The following FBXL20 variants were observed in gnomAD, a reference collection of about 807,000 sequenced individuals.
FBXL20 encodes F-box/LRR-repeat protein 20.
In FBXL20, 11 loss-of-function variants were observed where a neutral mutation model predicts 64.0. The observed-to-expected ratio is 0.17, with a 90% confidence interval of 0.11 to 0.28. The LOEUF (loss-of-function observed/expected upper bound fraction) is 0.28. Ranked by LOEUF, FBXL20 falls within the 10% of genes least tolerant of loss-of-function variation. The pLI is 1.00. For missense variants in FBXL20, 303 were observed against 526.2 expected, an observed-to-expected ratio of 0.58 and a Z score of 4.15; for synonymous variants, 184 against 189.0, an observed-to-expected ratio of 0.97 and a Z score of 0.22.
rs2046697003 is a variant in FBXL20 at position 39,256,493 on chromosome 17, G to C, written c.*4967C>G. On this transcript the variant is annotated 3_prime_UTR_variant, in exon 15 of 15. Transcript: ENST00000264658. ...TACATTTCTTCTCAAACAGGACTTGGCTAATTCACAGTGCCTGGGTTTGAG... is the reference window on the plus strand; with the variant it reads ...TACATTTCTTCTCAAACAGGACTTGCCTAATTCACAGTGCCTGGGTTTGAG... 1 of 152,028 alleles carries C rather than the reference G, an allele frequency of 6.6e-6. No homozygotes were observed. The highest frequency in any genetic ancestry group is 2.4e-5 in the African/African-American group (1 of 41,362). 9.4% of individuals were successfully genotyped at this position (152,028 alleles called of 1,614,324 possible).
In FBXL20 at chr17:39,277,572, G is replaced by A. The variant is rs144013466; in HGVS notation, c.697-2472C>T. 9.6e-4 allele frequency among the ~76,000 whole-genome samples: 146 copies of A among 151,938 alleles called. 1 individual carries two copies. Among genetic ancestry groups the A allele is most frequent in the African/African-American group, 3.3e-3 (138 of 41,438 alleles). On this transcript the variant is annotated intron_variant, in intron 9 of 14. Coordinates refer to ENST00000264658, the MANE Select transcript of FBXL20 (RefSeq NM_032875.3). ...AGGAGTCTGAGACCAGCCTAACATG[G>A]CGAAACCCCGTTTCTACTAAAGATA...
chr17:39,345,133 C>A (rs2047620405), intron 1 of FBXL20, among the ~76,000 whole-genome samples: 1 of 152,180 alleles, frequency 6.6e-6, no homozygotes, highest in Non-Finnish European at 1.5e-5. Context: ...TGCAGAAATT[C>A]CTCTTAAGGT....
rs1029710972 is a variant in FBXL20 at position 39,368,074 on chromosome 17, C to T, written c.43-24833G>A. 3.3e-5 allele frequency among the ~76,000 whole-genome samples: 5 copies of T among 151,976 alleles called. No individual in the cohort carries two copies. The East Asian group carries it at 9.6e-4, about 29-fold the overall frequency. Reference sequence around the variant, plus strand: ...ATTACAGGTGTGAGTCACCACACCCCGCCTGTGAAAGATTTTTAAGAATAG... The same window carrying T: ...ATTACAGGTGTGAGTCACCACACCCTGCCTGTGAAAGATTTTTAAGAATAG... On this transcript the variant is annotated intron_variant, in intron 1 of 14. Transcript: ENST00000264658.
intron 2 of FBXL20, among the ~76,000 whole-genome samples, chr17:39,306,756 T>C (rs1012001719): frequency 1.3e-5 from 2 of 152,224 alleles, no homozygotes; most frequent in Non-Finnish European, 2.9e-5. Context: ...TCCCTTAGGT[T>C]TTCTTACACA....
rs1190402755 is a variant in FBXL20, at chr17:39,401,583, G to A, written c.-181C>T. ...CTAGGCCTCCACCACCTCCCGCGGCGCCGGCGGCCGCAACGACTGCTCGTC... is the reference window on the plus strand; with the variant it reads ...CTAGGCCTCCACCACCTCCCGCGGCACCGGCGGCCGCAACGACTGCTCGTC... On this transcript the variant is annotated 5_prime_UTR_variant, in exon 1 of 15. Transcript: ENST00000264658. 17 of 1,402,840 alleles carry A rather than the reference G, an allele frequency of 1.2e-5. No individual in the cohort carries two copies. Among genetic ancestry groups the A allele is most frequent in the East Asian group, 2.8e-5 (1 of 35,418 alleles). 86.9% of individuals were successfully genotyped at this position (1,402,840 alleles called of 1,614,324 possible).
chr17:39,348,108 G>T (rs1224270774), intron 1 of FBXL20, among the ~76,000 whole-genome samples: 1 of 145,878 alleles, frequency 6.9e-6, no homozygotes. Context: ...TTGGTAGAGA[G>T]AGAGTCTCGC....
chr17:39,363,817 A>AAAAAAAC (rs1567896961), intron 1 of FBXL20, among the ~76,000 whole-genome samples: 3 of 143,684 alleles, frequency 2.1e-5, no homozygotes, highest in Non-Finnish European at 3.0e-5. Flanking sequence ...TCTCAAAAAA[A>AAAAAAAC]AAAAAAAAAC....
At position 39,257,938 on chromosome 17, in the gene FBXL20, T is replaced by C. The variant is rs1339742498; in HGVS notation, c.*3522A>G. On this transcript the variant is annotated 3_prime_UTR_variant, in exon 15 of 15. Transcript: ENST00000264658. The stretch of plus-strand genomic sequence containing the variant: ...GAAAAGACATTGATGTAGCAAATGA[T>C]GCTGGAAGATGTAAGGTATGAGATT... 1 of 152,844 alleles carries C rather than the reference T, an allele frequency of 6.5e-6. No individual in the cohort carries two copies. The highest frequency in any genetic ancestry group is 1.5e-5 in the Non-Finnish European group (1 of 68,062). 9.5% of individuals were successfully genotyped at this position (152,844 alleles called of 1,614,324 possible).
At chr17:39,306,823 A>C (rs2047187752) in intron 2 of FBXL20, among the ~76,000 whole-genome samples, 1 of 152,204 alleles carries the variant, frequency 6.6e-6, no homozygotes, top group Admixed American at 6.5e-5. Context: ...GTAGAGGCCC[A>C]TGTAAGGGAC....
chr17:39,341,488 A>G (rs530935332), intron 2 of FBXL20, among the ~76,000 whole-genome samples: 3 of 152,234 alleles, frequency 2.0e-5, no homozygotes, highest in East Asian at 1.9e-4. Context: ...AAATCATTAC[A>G]TAACTCTACA....
At chr17:39,309,401 C>T (rs1162054971) in intron 2 of FBXL20, among the ~76,000 whole-genome samples, 2 of 152,152 alleles carry the variant, frequency 1.3e-5, no homozygotes, top group Non-Finnish European at 2.9e-5. Flanking sequence ...GGAATAAGAT[C>T]TATTTTTGAA....
intron 1 of FBXL20, among the ~76,000 whole-genome samples, chr17:39,357,699 T>C (rs1438219367): frequency 3.3e-5 from 5 of 152,162 alleles, no homozygotes; most frequent in Admixed American, 1.3e-4. Context: ...TGAGTCACCA[T>C]GCCCAGCTGG....
chr17:39,318,271 G>A (rs1238226625), intron 2 of FBXL20, among the ~76,000 whole-genome samples: 1 of 152,114 alleles, frequency 6.6e-6, no homozygotes, highest in African/African-American at 2.4e-5. Flanking sequence ...TTGAGTTTTT[G>A]GAGTATGCCT....
intron 6 of FBXL20, among the ~76,000 whole-genome samples, chr17:39,287,101 C>T (rs1277920361): frequency 1.3e-5 from 2 of 151,528 alleles, no homozygotes; most frequent in Non-Finnish European, 2.9e-5. Flanking sequence ...TTAGTAGAGA[C>T]GGGTTTTCAC....
intron 1 of FBXL20, among the ~76,000 whole-genome samples, chr17:39,348,811 C>T (rs556150452): frequency 4.0e-4 from 61 of 152,258 alleles, no homozygotes; most frequent in Non-Finnish European, 6.8e-4. Context: ...GCTCCCCCTT[C>T]GGCCTCCTGA....
intron 2 of FBXL20, among the ~76,000 whole-genome samples, chr17:39,340,337 C>T (rs972337732): frequency 2.0e-5 from 3 of 151,828 alleles, no homozygotes; most frequent in African/African-American, 7.3e-5. Flanking sequence ...CCTTGGGATC[C>T]GCCCACCTCG....
chr17:39,328,126 T>A (rs552122058), intron 2 of FBXL20, among the ~76,000 whole-genome samples: 1 of 151,608 alleles, frequency 6.6e-6, no homozygotes, highest in African/African-American at 2.4e-5. Flanking sequence ...CGGGTGCCTG[T>A]AATCCCAGTT....
At chr17:39,334,573 A>C (rs2047501916) in intron 2 of FBXL20, among the ~76,000 whole-genome samples, 1 of 152,186 alleles carries the variant, frequency 6.6e-6, no homozygotes. Flanking sequence ...TACAGAGGAT[A>C]TATCACATCA....
intron 6 of FBXL20, among the ~76,000 whole-genome samples, chr17:39,286,905 A>ATT (rs1555604421): frequency 2.4e-5 from 3 of 127,172 alleles, no homozygotes; most frequent in South Asian, 2.4e-4. Flanking sequence ...TTCAGTATCT[A>ATT]TTTCTTTTTT....
Sources: allele counts gnomAD v4.1 joint callset (sites outside exome capture counted in the v4.1 genomes callset), GRCh38; gene constraint gnomAD v4.1.1; transcripts MANE v1.5; gene names NCBI Gene and HGNC (gene_info 2026-07-23, HGNC 2026-07-21).